Variants in PPARGC1A observed in about 807,000 individuals in gnomAD.
PPARGC1A encodes the protein peroxisome proliferator-activated receptor gamma coactivator 1-alpha.
In PPARGC1A, 25 loss-of-function variants were observed where a neutral mutation model predicts 88.7. The ratio of observed to expected loss-of-function variants is 0.28; its 90% CI spans 0.21 to 0.39. PPARGC1A has a LOEUF of 0.39. PPARGC1A is among the 10% of genes least tolerant of loss of function. The pLI is 1.00. For missense variants in PPARGC1A, 880 were observed against 968.7 expected, an observed-to-expected ratio of 0.91 and a Z score of 1.22; for synonymous variants, 363 against 355.6, an observed-to-expected ratio of 1.02 and a Z score of -0.24.
the PPARGC1A span, among the ~76,000 whole-genome samples, chr4:23,925,263 T>C: frequency 1.3e-5 from 2 of 152,224 alleles, no homozygotes; most frequent in Admixed American, 1.3e-4. Flanking sequence ...TAGGGTTCCC[T>C]GCTCTAAATA....
At chr4:24,437,594 T>TTTGTTGTTGTTG in the PPARGC1A span, among the ~76,000 whole-genome samples, 7 of 143,754 alleles carry the variant, frequency 4.9e-5, no homozygotes, top group African/African-American at 1.5e-4. Flanking sequence ...GCACAGGTTT[T>TTTGTTGTTGTTG]TTGTTGTTGT....
At chr4:24,192,971 T>C in the PPARGC1A span, among the ~76,000 whole-genome samples, 1 of 152,174 alleles carries the variant, frequency 6.6e-6, no homozygotes, top group Non-Finnish European at 1.5e-5. Context: ...GACATGTAAA[T>C]TAGAAATGCT....
chr4:24,386,893 T>G, the PPARGC1A span, among the ~76,000 whole-genome samples: 1 of 152,146 alleles, frequency 6.6e-6, no homozygotes, highest in Non-Finnish European at 1.5e-5. Flanking sequence ...AAAAACTACT[T>G]TAAATTTCAT....
At chr4:24,419,065 A>G in the PPARGC1A span, among the ~76,000 whole-genome samples, 2 of 152,166 alleles carry the variant, frequency 1.3e-5, no homozygotes, top group Non-Finnish European at 2.9e-5. Flanking sequence ...AGGAAAAAAA[A>G]TACTTTTGGA....
the PPARGC1A span, among the ~76,000 whole-genome samples, chr4:24,261,927 G>A: frequency 6.6e-6 from 1 of 152,156 alleles, no homozygotes. Flanking sequence ...CAAGCTGTGT[G>A]TGCTAAAAGC....
chr4:23,951,933 G>C, the PPARGC1A span, among the ~76,000 whole-genome samples: 5 of 152,074 alleles, frequency 3.3e-5, no homozygotes, highest in African/African-American at 1.2e-4. Context: ...TGTTCATCTG[G>C]AAAGTGTCTG....
At chr4:23,831,344 T>TA (rs921020208) in intron 3 of PPARGC1A, among the ~76,000 whole-genome samples, 7 of 151,870 alleles carry the variant, frequency 4.6e-5, no homozygotes, top group African/African-American at 7.3e-5. Flanking sequence ...CAAAAGATAG[T>TA]AAAAAAAACT....
chr4:23,889,276 T>C (rs913790354), intron 1 of PPARGC1A: 15 of 985,406 alleles, frequency 1.5e-5, no homozygotes, highest in Non-Finnish European at 1.8e-5. Flanking sequence ...ACGGAAAACC[T>C]TGCACTGCCA....
the PPARGC1A span, among the ~76,000 whole-genome samples, chr4:24,175,309 T>G: frequency 6.6e-6 from 1 of 151,706 alleles, no homozygotes; most frequent in Admixed American, 6.6e-5. Flanking sequence ...TCCCATTTTG[T>G]GATAACAACC....
the PPARGC1A span, among the ~76,000 whole-genome samples, chr4:24,387,884 AAG>A: frequency 8.0e-6 from 1 of 124,390 alleles, no homozygotes; most frequent in Non-Finnish European, 1.6e-5. Flanking sequence ...AAGAGAAAGA[AAG>A]AAAGAAAGAA....
At chr4:24,054,803 C>T in the PPARGC1A span, among the ~76,000 whole-genome samples, 1 of 152,242 alleles carries the variant, frequency 6.6e-6, no homozygotes, top group South Asian at 2.1e-4. Context: ...TATCTGAATA[C>T]AAGAAACAGT....
the PPARGC1A span, among the ~76,000 whole-genome samples, chr4:24,429,260 CCT>C: frequency 6.6e-6 from 1 of 151,826 alleles, no homozygotes; most frequent in African/African-American, 2.4e-5. Flanking sequence ...TCTCTCTCTC[CCT>C]CTGTTTCACA....
chr4:24,304,784 G>C, the PPARGC1A span, among the ~76,000 whole-genome samples: 3 of 152,106 alleles, frequency 2.0e-5, no homozygotes, highest in African/African-American at 7.2e-5. Flanking sequence ...GAGAAACATG[G>C]CCTCCTTCAT....
At chr4:24,065,540 A>G in the PPARGC1A span, among the ~76,000 whole-genome samples, 1 of 152,142 alleles carries the variant, frequency 6.6e-6, no homozygotes, top group African/African-American at 2.4e-5. Context: ...CTTCTGCTGG[A>G]CTGCTAGTAG....
At chr4:23,913,257 TATATATATATAGAGAG>T in the PPARGC1A span, among the ~76,000 whole-genome samples, 27 of 46,084 alleles carry the variant, frequency 5.9e-4, no homozygotes, top group African/African-American at 2.1e-3. Context: ...TATATATATA[TATATATATATAGAGAG>T]AGAGAGAGAG....
At chr4:24,383,315 TCTC>T in the PPARGC1A span, among the ~76,000 whole-genome samples, 53 of 152,130 alleles carry the variant, frequency 3.5e-4, no homozygotes, top group African/African-American at 1.2e-3. Context: ...AAATGCCTCT[TCTC>T]CTTCGAAGGA....
chr4:24,381,778 T>C, the PPARGC1A span, among the ~76,000 whole-genome samples: 1 of 152,246 alleles, frequency 6.6e-6, no homozygotes, highest in Non-Finnish European at 1.5e-5. Context: ...CAAGATGTTT[T>C]AAATTAGCTA....
the PPARGC1A span, among the ~76,000 whole-genome samples, chr4:24,253,913 G>GT: frequency 6.6e-6 from 1 of 152,144 alleles, no homozygotes; most frequent in Admixed American, 6.5e-5. Flanking sequence ...TAGCTATCCT[G>GT]TATGTATTCA....
the PPARGC1A span, among the ~76,000 whole-genome samples, chr4:24,427,088 A>G: frequency 1.3e-5 from 2 of 152,170 alleles, no homozygotes; most frequent in Non-Finnish European, 2.9e-5. Context: ...AAGCAAGGCA[A>G]TGATGCTGAG....
Sources: gnomAD v4.1 joint callset for allele counts (sites outside exome capture counted in the v4.1 genomes callset) on GRCh38, gnomAD v4.1.1 for gene constraint, MANE v1.5 for transcripts, NCBI Gene and HGNC (gene_info 2026-07-23, HGNC 2026-07-21) for gene names.